CACNA1D: variants seen among roughly 807,000 people sequenced by gnomAD.
The protein encoded by CACNA1D is calcium voltage-gated channel subunit alpha1 D.
CACNA1D carries 55 observed loss-of-function variants against 257.1 expected under a neutral mutation model. The ratio of observed to expected loss-of-function variants is 0.21; its 90% confidence interval spans 0.17 to 0.27. The LOEUF (loss-of-function observed/expected upper bound fraction) is 0.27. Ranked by LOEUF, CACNA1D falls within the 10% of genes least tolerant of loss-of-function variation. The pLI is 1.00. For synonymous variants in CACNA1D, 980 were observed against 1,014.9 expected (o/e 0.97, Z 0.65); for missense variants, 1,876 against 2,784.0 (o/e 0.67, Z 7.34).
intron 3 of CACNA1D, among the ~76,000 whole-genome samples, chr3:53,561,515 G>C (rs955807990): frequency 3.3e-5 from 5 of 152,318 alleles, no homozygotes; most frequent in South Asian, 4.1e-4. Context: ...GGTACACCTT[G>C]TCATTGGAGG....
chr3:53,804,131 C>T (rs1381297764), intron 44 of CACNA1D, among the ~76,000 whole-genome samples: 2 of 152,212 alleles, frequency 1.3e-5, no homozygotes, highest in Non-Finnish European at 2.9e-5. Context: ...GGAGGCGTAG[C>T]AGGCGGCACA....
intron 7 of CACNA1D, among the ~76,000 whole-genome samples, chr3:53,670,533 C>T (rs895463277): frequency 6.6e-6 from 1 of 151,858 alleles, no homozygotes; most frequent in African/African-American, 2.4e-5. Context: ...TTAGTAGAGA[C>T]GGGTTTCACC....
At position 53,723,411 on chromosome 3, in the gene CACNA1D, T is replaced by C. The variant is rs766382551; in HGVS notation, c.1667-23T>C. ...AGTGTCTTGCAGGAGACCCTGAGGA[T>C]GGGTGCCCCTTTGTCTTTCCAGATA... On this transcript the variant is annotated intron_variant, in intron 12 of 47. Coordinates refer to ENST00000350061, the MANE Select transcript of CACNA1D (RefSeq NM_001128840.3). This position sits in a 1 kb window ranked among gnomAD's most constrained non-coding sequence, Gnocchi z 5.6. 7.0e-6 allele frequency: 11 copies of C among 1,582,418 alleles called. No homozygotes were observed. In the Admixed American group the frequency reaches 8.3e-5, roughly 12 times the overall value.
At chr3:53,506,628 T>A (rs2090858507) in intron 3 of CACNA1D, among the ~76,000 whole-genome samples, 1 of 152,222 alleles carries the variant, frequency 6.6e-6, no homozygotes, top group South Asian at 2.1e-4. Flanking sequence ...TTGTAGATCA[T>A]TAGTTAATTA....
rs571534123 is a variant in CACNA1D at position 53,713,530 on chromosome 3, G to A, written c.1391-4771G>A. 2.9e-5 allele frequency among the ~76,000 whole-genome samples: 4 copies of A among 138,118 alleles called. No individual in the cohort carries two copies. In the South Asian group the frequency reaches 9.7e-4, roughly 33 times the overall value. The allele number at this position is 138,118 out of a possible 152,430, so 90.6% of individuals were successfully genotyped here. A position where few individuals can be genotyped will look rare whatever the true frequency, so the allele number is the denominator to read the frequency against. The stretch of plus-strand genomic sequence containing the variant: ...TGTGTGTGTGTGTGTGTGTGTGTGT[G>A]TGTGTGTGTGTGTGAGAGATTTGCC... On this transcript the variant is annotated intron_variant, in intron 9 of 47. Coordinates refer to ENST00000350061, the MANE Select transcript of CACNA1D (RefSeq NM_001128840.3).
intron 3 of CACNA1D, among the ~76,000 whole-genome samples, chr3:53,619,207 T>A (rs928299435): frequency 1.3e-5 from 2 of 152,212 alleles, no homozygotes; most frequent in South Asian, 4.1e-4. Flanking sequence ...TGCCCAGGGC[T>A]TTCCATGGAC....
At chr3:53,768,187 G>C (rs569580632) in intron 30 of CACNA1D, among the ~76,000 whole-genome samples, 16 of 152,346 alleles carry the variant, frequency 1.1e-4, no homozygotes, top group South Asian at 1.0e-3. Context: ...GCCCGCAGGA[G>C]GGTCTTAGGC....
chr3:53,795,544 T>G (rs2106702319), intron 40 of CACNA1D, among the ~76,000 whole-genome samples: 1 of 152,322 alleles, frequency 6.6e-6, no homozygotes, highest in East Asian at 1.9e-4. Context: ...TGGGAATAAC[T>G]TTGGCTCTCC....
intron 3 of CACNA1D, among the ~76,000 whole-genome samples, chr3:53,562,512 T>G (rs112901251): frequency 0.028 from 4,254 of 152,258 alleles, 209 homozygotes; most frequent in African/African-American, 0.096. Context: ...AGAACTGTAT[T>G]TTTTATAGCT....
intron 29 of CACNA1D, among the ~76,000 whole-genome samples, chr3:53,760,019 C>G (rs901037462): frequency 2.0e-5 from 3 of 152,164 alleles, no homozygotes; most frequent in Admixed American, 1.3e-4. Flanking sequence ...TTGGGGCTCA[C>G]AAATTCCTTT....
At chr3:53,541,419 G>T (rs1024894780) in intron 3 of CACNA1D, among the ~76,000 whole-genome samples, 2 of 152,144 alleles carry the variant, frequency 1.3e-5, no homozygotes, top group Non-Finnish European at 2.9e-5. Context: ...TGCTAATTTA[G>T]CCAAATAATA....
intron 3 of CACNA1D, among the ~76,000 whole-genome samples, chr3:53,588,477 G>T (rs1329924741): frequency 1.3e-5 from 2 of 152,316 alleles, no homozygotes; most frequent in East Asian, 3.9e-4. Flanking sequence ...TTGGAGACGG[G>T]AGATGCTCCT....
At chr3:53,509,183 A>G (rs943195157) in intron 3 of CACNA1D, among the ~76,000 whole-genome samples, 3 of 151,214 alleles carry the variant, frequency 2.0e-5, no homozygotes, top group Non-Finnish European at 4.4e-5. Flanking sequence ...GGGCAGGCAA[A>G]GCCGGAAATG....
At chr3:53,576,717 G>A (rs2093044618) in intron 3 of CACNA1D, among the ~76,000 whole-genome samples, 2 of 152,026 alleles carry the variant, frequency 1.3e-5, no homozygotes, top group African/African-American at 4.8e-5. Flanking sequence ...TTTTATTTTG[G>A]GCTGTTACCA....
At chr3:53,785,954 A>G (rs1396942435) in intron 39 of CACNA1D, 1 of 152,308 alleles carries the variant, frequency 6.6e-6, no homozygotes, top group Non-Finnish European at 1.5e-5. Context: ...GGAGTACTAA[A>G]GTGGTCACAA....
intron 3 of CACNA1D, among the ~76,000 whole-genome samples, chr3:53,636,304 G>A (rs759705077): frequency 6.6e-6 from 1 of 151,992 alleles, no homozygotes; most frequent in Non-Finnish European, 1.5e-5. Flanking sequence ...AAAAATATAT[G>A]CGATTTATTT....
chr3:53,737,737 C>T (rs1332617196), intron 20 of CACNA1D, among the ~76,000 whole-genome samples: 2 of 152,230 alleles, frequency 1.3e-5, no homozygotes, highest in African/African-American at 2.4e-5. Flanking sequence ...GCAGGAGAAT[C>T]GCTTGAACCC....
At chr3:53,742,880 G>A (rs1576527187) in intron 21 of CACNA1D, 131 bp from the exon 22 acceptor site, 1 of 728,160 alleles carries the variant, frequency 1.4e-6, no homozygotes, top group East Asian at 2.5e-5. Context: ...CAACCCCGTT[G>A]GTTTACATTT....
At chr3:53,656,677 G>T (rs1181099058) in intron 4 of CACNA1D, among the ~76,000 whole-genome samples, 1 of 152,118 alleles carries the variant, frequency 6.6e-6, no homozygotes, top group Non-Finnish European at 1.5e-5. Context: ...ACATACACTT[G>T]TATTCAGAAT....
Sources: gnomAD v4.1 joint callset for allele counts (sites outside exome capture counted in the v4.1 genomes callset) on GRCh38, gnomAD v4.1.1 for gene constraint, Gnocchi (gnomAD v3.1) non-coding constraint, MANE v1.5 for transcripts, NCBI Gene and HGNC (gene_info 2026-07-23, HGNC 2026-07-21) for gene names.